Variants in PKIG observed in about 807,000 individuals in gnomAD.
The protein encoded by PKIG is protein kinase (cAMP-dependent, catalytic) inhibitor gamma.
A neutral mutation model predicts 6.8 loss-of-function variants in PKIG; 1 was observed. The observed-to-expected ratio is 0.15, with a 90% CI of 0.05 to 0.69. The LOEUF (loss-of-function observed/expected upper bound fraction) is 0.69. PKIG is among the 30% of genes least tolerant of loss of function. The pLI is 0.82. For synonymous variants in PKIG, 39 were observed against 43.0 expected (o/e 0.91, Z 0.36); for missense variants, 77 against 104.0 (o/e 0.74, Z 1.13).
chr20:44,578,667 T>C (rs1191582691), upstream of PKIG, among the ~76,000 whole-genome samples: 20 of 152,228 alleles, frequency 1.3e-4, no homozygotes, highest in Admixed American at 1.3e-3. Flanking sequence ...ATGCTTCTTA[T>C]ACAGTCTGCA....
rs759826792 is a variant in PKIG, at chr20:44,614,786, A to G, written c.151+79A>G. The stretch of plus-strand genomic sequence containing the variant: ...CCCCGGGCTAGCCTCCAAGTCCTAG[A>G]CTGCCCATACTTTCTTAGAGAAGAA... On this transcript the variant is annotated intron_variant, in intron 3 of 3. Coordinates refer to ENST00000372886, the MANE Select transcript of PKIG (RefSeq NM_001281445.2). The surrounding 1 kb of genome is among the most constrained non-coding windows in gnomAD (Gnocchi z 4.6). 10 of 1,426,124 alleles carry G rather than the reference A, an allele frequency of 7.0e-6. No homozygotes were observed. Among genetic ancestry groups the G allele is most frequent in the Non-Finnish European group, 9.7e-6 (10 of 1,036,136 alleles). The allele number at this position is 1,426,124 out of a possible 1,614,324, so 88.3% of individuals were successfully genotyped here. A position where few individuals can be genotyped will look rare whatever the true frequency, so the allele number is the denominator to read the frequency against.
At chr20:44,608,293 A>T (rs891706723) in intron 2 of PKIG, among the ~76,000 whole-genome samples, 15 of 152,274 alleles carry the variant, frequency 9.9e-5, no homozygotes, top group Admixed American at 9.8e-4. Context: ...GTATGTAATT[A>T]TATCACTGGT....
At chr20:44,533,142 G>T (rs769887571) in intron 1 of PKIG, among the ~76,000 whole-genome samples, 2 of 152,084 alleles carry the variant, frequency 1.3e-5, no homozygotes, top group Non-Finnish European at 1.5e-5. Context: ...TTTTCACTTT[G>T]CAGGCATTCA....
At chr20:44,595,392 A>G (rs2065067018) in intron 2 of PKIG, among the ~76,000 whole-genome samples, 1 of 152,272 alleles carries the variant, frequency 6.6e-6, no homozygotes, top group South Asian at 2.1e-4. Context: ...TTGAGAGAGC[A>G]CACCAGGCCT....
At chr20:44,576,861 C>T (rs2064903001) in intron 1 of PKIG, among the ~76,000 whole-genome samples, 1 of 152,158 alleles carries the variant, frequency 6.6e-6, no homozygotes, top group Non-Finnish European at 1.5e-5. Context: ...TATCCAGTTT[C>T]TAGCCACATA....
At chr20:44,579,702 C>T (rs2064930922), upstream of PKIG, among the ~76,000 whole-genome samples, 1 of 152,216 alleles carries the variant, frequency 6.6e-6, no homozygotes, top group Non-Finnish European at 1.5e-5. Flanking sequence ...TGCTATGGTT[C>T]TGTCTTCCGG....
intron 1 of PKIG, among the ~76,000 whole-genome samples, chr20:44,534,472 CTTT>C (rs777434666): frequency 7.1e-6 from 1 of 141,740 alleles, no homozygotes; most frequent in Admixed American, 7.1e-5. Context: ...ATGCACCATT[CTTT>C]TTTTTTTTTT....
At chr20:44,609,704 G>A (rs1490489070) in intron 2 of PKIG, among the ~76,000 whole-genome samples, 2 of 152,218 alleles carry the variant, frequency 1.3e-5, no homozygotes, top group African/African-American at 4.8e-5. Flanking sequence ...TCCTGTTCCC[G>A]TGGAGCTGAC....
chr20:44,566,426 C>T (rs949732549), intron 1 of PKIG, among the ~76,000 whole-genome samples: 2 of 152,216 alleles, frequency 1.3e-5, no homozygotes, highest in Non-Finnish European at 2.9e-5. Context: ...TTCTTTCAAA[C>T]TTTTTGACTT....
intron 1 of PKIG, among the ~76,000 whole-genome samples, chr20:44,550,263 T>C (rs1191719657): frequency 2.6e-5 from 4 of 151,296 alleles, no homozygotes; most frequent in African/African-American, 4.9e-5. Context: ...AAATGAAAAA[T>C]ATAAACTTTA....
chr20:44,549,089 T>G (rs1400889841), intron 1 of PKIG, among the ~76,000 whole-genome samples: 1 of 152,236 alleles, frequency 6.6e-6, no homozygotes, highest in Non-Finnish European at 1.5e-5. Context: ...CAGGAAGTTT[T>G]AAAACTTTTA....
intron 1 of PKIG, among the ~76,000 whole-genome samples, chr20:44,574,192 A>G (rs1262486163): frequency 6.6e-6 from 1 of 152,184 alleles, no homozygotes; most frequent in African/African-American, 2.4e-5. Context: ...AAATATCATA[A>G]AAGATTTGTA....
At chr20:44,594,231 A>AC in intron 2 of PKIG, among the ~76,000 whole-genome samples, 1 of 152,264 alleles carries the variant, frequency 6.6e-6, no homozygotes, top group East Asian at 1.9e-4. Flanking sequence ...AGTAACCACC[A>AC]CCCTTTATTG....
intron 3 of PKIG, among the ~76,000 whole-genome samples, chr20:44,615,691 G>A (rs907240716): frequency 4.6e-5 from 7 of 152,160 alleles, no homozygotes; most frequent in Non-Finnish European, 1.0e-4. Flanking sequence ...CTGTCTCCCC[G>A]TGGGCTGTCC....
chr20:44,584,355 C>T (rs141397094), intron 1 of PKIG, among the ~76,000 whole-genome samples: 58 of 152,028 alleles, frequency 3.8e-4, no homozygotes, highest in African/African-American at 1.3e-3. Context: ...ACTTAAAGCC[C>T]GCCATCCTAG....
chr20:44,595,485 G>A (rs895107932), intron 2 of PKIG, among the ~76,000 whole-genome samples: 2 of 152,208 alleles, frequency 1.3e-5, no homozygotes, highest in African/African-American at 2.4e-5. Context: ...ATGTACAGCT[G>A]TCCTTTGGGA....
chr20:44,535,268 C>A (rs934830242), intron 1 of PKIG, among the ~76,000 whole-genome samples: 1 of 151,758 alleles, frequency 6.6e-6, no homozygotes, highest in Non-Finnish European at 1.5e-5. Context: ...AGTATTGATA[C>A]TGGAGAAGGG....
intron 2 of PKIG, among the ~76,000 whole-genome samples, chr20:44,598,382 C>T (rs1371765535): frequency 6.6e-6 from 1 of 152,244 alleles, no homozygotes. Context: ...TTAAACTCTA[C>T]CTCCCGAGAG....
At chr20:44,604,516 A>C (rs757059450) in intron 2 of PKIG, among the ~76,000 whole-genome samples, 9 of 152,246 alleles carry the variant, frequency 5.9e-5, no homozygotes, top group Non-Finnish European at 1.3e-4. Context: ...GAGATATACA[A>C]GTAGTCAAGG....
Sources: gnomAD v4.1 joint callset for allele counts (sites outside exome capture counted in the v4.1 genomes callset) on GRCh38, gnomAD v4.1.1 for gene constraint, Gnocchi (gnomAD v3.1) non-coding constraint, MANE v1.5 for transcripts, NCBI Gene and HGNC (gene_info 2026-07-23, HGNC 2026-07-21) for gene names.